Variants in TRAPPC9 observed in about 807,000 individuals in gnomAD.
TRAPPC9 encodes trafficking protein particle complex subunit 9, also known as IKK2 binding protein.
TRAPPC9 carries 83 observed loss-of-function variants against 124.0 expected under a neutral mutation model. That is an observed-to-expected ratio of 0.67 (90% CI 0.56 to 0.80). The LOEUF (loss-of-function observed/expected upper bound fraction) is 0.80, where lower values mean the gene tolerates loss of function less well. Among genes scored for constraint, TRAPPC9 ranks in the 30% least tolerant of loss-of-function variants. The pLI, the probability that TRAPPC9 is intolerant of heterozygous loss-of-function variation, is 0.00. For synonymous variants in TRAPPC9, 638 were observed against 617.5 expected (o/e 1.03, Z -0.49); for missense variants, 1,302 against 1,508.3 (o/e 0.86, Z 2.27).
chr8:140,177,983 C>G (rs895903876), intron 17 of TRAPPC9, among the ~76,000 whole-genome samples: 3 of 151,984 alleles, frequency 2.0e-5, no homozygotes, highest in African/African-American at 7.2e-5. Context: ...ATAGGTTTGA[C>G]TTTTGTATAT....
intron 10 of TRAPPC9, among the ~76,000 whole-genome samples, chr8:140,309,309 G>T (rs2066226748): frequency 6.6e-6 from 1 of 152,224 alleles, no homozygotes; most frequent in Admixed American, 6.5e-5. Context: ...TCTGTGTGGG[G>T]CAATTTTTAA....
intron 15 of TRAPPC9, among the ~76,000 whole-genome samples, chr8:140,271,794 T>C (rs1385550948): frequency 1.3e-5 from 2 of 152,180 alleles, no homozygotes; most frequent in Non-Finnish European, 2.9e-5. Flanking sequence ...CCATTAGAAG[T>C]CAAACAGTGG....
chr8:140,238,127 G>C (rs1468967570), intron 16 of TRAPPC9, among the ~76,000 whole-genome samples: 1 of 152,178 alleles, frequency 6.6e-6, no homozygotes, highest in Non-Finnish European at 1.5e-5. Context: ...GGGCGGAAAG[G>C]GCAGTAATGA....
Position 140,435,097 on chromosome 8 carries a change from A to T in TRAPPC9, c.859+15T>A. 1 of 1,614,212 alleles carries T rather than the reference A, an allele frequency of 6.2e-7. No individual in the cohort carries two copies. Among genetic ancestry groups the T allele is most frequent in the Non-Finnish European group, 8.5e-7 (1 of 1,180,034 alleles). The stretch of plus-strand genomic sequence containing the variant: ...ACTGCAAGTGAGCAGAGGCCGGAAA[A>T]AGGGCAGAGCTCACCTGGCCGGTGT... On this transcript the variant is annotated intron_variant, in intron 4 of 22. Transcript: ENST00000438773.
intron 9 of TRAPPC9, among the ~76,000 whole-genome samples, chr8:140,319,428 C>G (rs1351442688): frequency 6.6e-6 from 1 of 151,740 alleles, no homozygotes; most frequent in African/African-American, 2.4e-5. Flanking sequence ...CCGCCCACCT[C>G]AGCCTCCCAA....
chr8:139,738,156 C>G (rs1818324472), intron 21 of TRAPPC9, among the ~76,000 whole-genome samples: 2 of 152,156 alleles, frequency 1.3e-5, no homozygotes, highest in African/African-American at 4.8e-5. Context: ...CTCGAATGCC[C>G]TATCCCAGGG....
intron 15 of TRAPPC9, among the ~76,000 whole-genome samples, chr8:140,273,287 A>G (rs981443183): frequency 1.3e-5 from 2 of 152,108 alleles, no homozygotes; most frequent in Admixed American, 1.3e-4. Flanking sequence ...GTTGCTTTAC[A>G]TTATCTTTGC....
At chr8:139,860,682 G>A (rs2130977964) in intron 21 of TRAPPC9, among the ~76,000 whole-genome samples, 1 of 152,376 alleles carries the variant, frequency 6.6e-6, no homozygotes, top group Admixed American at 6.5e-5. Flanking sequence ...GCCCAGAGCT[G>A]GGTCCATGGT....
chr8:140,307,094 G>A (rs1335631344), intron 10 of TRAPPC9, among the ~76,000 whole-genome samples: 1 of 152,208 alleles, frequency 6.6e-6, no homozygotes, highest in African/African-American at 2.4e-5. Flanking sequence ...TCCATGAGGG[G>A]CAGTGAAAAG....
intron 7 of TRAPPC9, among the ~76,000 whole-genome samples, chr8:140,383,497 C>T (rs768766716): frequency 8.8e-4 from 134 of 152,084 alleles, no homozygotes; most frequent in Non-Finnish European, 1.2e-3. Context: ...AACGATGGCA[C>T]GAGAACTACG....
intron 7 of TRAPPC9, among the ~76,000 whole-genome samples, chr8:140,393,032 T>TTTTTATTTTATTTTATTTTATTTTA (rs200195467): frequency 1.4e-5 from 2 of 138,022 alleles, no homozygotes; most frequent in Non-Finnish European, 3.1e-5. Flanking sequence ...TCCCATTTTA[T>TTTTTATTTTATTTTATTTTATTTTA]TTTTATTTTA....
At chr8:140,086,548 C>A (rs952614124) in intron 17 of TRAPPC9, among the ~76,000 whole-genome samples, 1 of 152,160 alleles carries the variant, frequency 6.6e-6, no homozygotes, top group South Asian at 2.1e-4. Context: ...CACCCCATCC[C>A]GTCCTGCTCC....
chr8:140,340,596 T>C (rs1380934619), intron 9 of TRAPPC9, among the ~76,000 whole-genome samples: 1 of 152,220 alleles, frequency 6.6e-6, no homozygotes, highest in Non-Finnish European at 1.5e-5. Context: ...TTCTTATTTT[T>C]GCAGTTGAAA....
intron 17 of TRAPPC9, among the ~76,000 whole-genome samples, chr8:140,142,199 A>G (rs1432533389): frequency 1.3e-5 from 2 of 152,254 alleles, no homozygotes; most frequent in African/African-American, 2.4e-5. Flanking sequence ...ATTTGAAGAC[A>G]TGTCCTCAGA....
intron 17 of TRAPPC9, among the ~76,000 whole-genome samples, chr8:140,056,748 C>T (rs189652295): frequency 1.3e-5 from 2 of 152,252 alleles, no homozygotes; most frequent in Admixed American, 1.3e-4. Flanking sequence ...ATGACTTGGT[C>T]TCTGCAATGA....
At chr8:139,837,206 C>G (rs1108474) in intron 21 of TRAPPC9, among the ~76,000 whole-genome samples, 28,340 of 152,174 alleles carry the variant, frequency 0.19, 4,433 homozygotes, top group African/African-American at 0.41. Context: ...CACCGTGACA[C>G]ACATGCAAGA....
chr8:140,092,143 C>T (rs1005669594), intron 17 of TRAPPC9, among the ~76,000 whole-genome samples: 2 of 149,486 alleles, frequency 1.3e-5, no homozygotes, highest in Non-Finnish European at 3.0e-5. Context: ...GTTATGTACT[C>T]TACTAATAAA....
chr8:139,912,717 T>C (rs1307569676), intron 19 of TRAPPC9, among the ~76,000 whole-genome samples: 2 of 152,214 alleles, frequency 1.3e-5, no homozygotes, highest in African/African-American at 2.4e-5. Context: ...CAGGTCTGAA[T>C]TACCCCTGAG....
intron 17 of TRAPPC9, among the ~76,000 whole-genome samples, chr8:140,103,058 G>A (rs1445295690): frequency 6.6e-6 from 1 of 152,152 alleles, no homozygotes; most frequent in Non-Finnish European, 1.5e-5. Flanking sequence ...CTAGCAGAAG[G>A]AGCATGAAAG....
Sources: gnomAD v4.1 joint callset for allele counts (sites outside exome capture counted in the v4.1 genomes callset) on GRCh38, gnomAD v4.1.1 for gene constraint, MANE v1.5 for transcripts, NCBI Gene and HGNC (gene_info 2026-07-23, HGNC 2026-07-21) for gene names.